The following DNAI4 variants were observed in gnomAD, a reference collection of about 807,000 sequenced individuals.
DNAI4 encodes WD repeat domain 78.
In DNAI4, 85 loss-of-function variants were observed where a neutral mutation model predicts 105.8. The ratio of observed to expected loss-of-function variants is 0.80; its 90% CI spans 0.67 to 0.96. The LOEUF (loss-of-function observed/expected upper bound fraction) is 0.96. Ranked by LOEUF, DNAI4 falls within the 40% of genes least tolerant of loss-of-function variation. The pLI is 0.00. For missense variants in DNAI4, 1,014 were observed against 1,005.6 expected (o/e 1.01, Z -0.11); for synonymous variants, 352 against 331.5 (o/e 1.06, Z -0.67).
chr1:66,880,720 C>G (rs1231611676), intron 4 of DNAI4, among the ~76,000 whole-genome samples: 1 of 152,078 alleles, frequency 6.6e-6, no homozygotes, highest in Non-Finnish European at 1.5e-5. Context: ...AAAGAAAATC[C>G]CATTTTCTGA....
Position 66,890,679 on chromosome 1 carries a change from A to T in DNAI4, c.643+475T>A, listed in dbSNP as rs1430135854. ...GAGGAGAAGGAAGCAGAGGAGGAAG[A>T]GGAGGAAGAGGAAGAAGAAGAAGGA... On this transcript the variant is annotated intron_variant, in intron 4 of 16. Coordinates refer to ENST00000371026, the MANE Select transcript of DNAI4 (RefSeq NM_024763.5). This position sits in a 1 kb window ranked among gnomAD's most constrained non-coding sequence, Gnocchi z 4.1. 1 of 216,206 alleles carries T rather than the reference A, an allele frequency of 4.6e-6. No homozygotes were observed. The highest frequency in any genetic ancestry group is 9.1e-6 in the Non-Finnish European group (1 of 109,712). 13.4% of individuals were successfully genotyped at this position (216,206 alleles called of 1,614,324 possible). A position where few individuals can be genotyped will look rare whatever the true frequency, so the allele number is the denominator to read the frequency against.
chr1:66,853,800 T>A (rs1646444602), intron 7 of DNAI4, among the ~76,000 whole-genome samples: 1 of 152,006 alleles, frequency 6.6e-6, no homozygotes, highest in African/African-American at 2.4e-5. Context: ...TTTCTTACAA[T>A]CAAGAACAAA....
rs1553227533 is a variant in DNAI4 at position 66,892,992 on chromosome 1, A to AGAG, written c.530+236_530+237insCTC. Among the ~76,000 whole-genome samples, 222 of 114,696 alleles carry AGAG rather than the reference A, an allele frequency of 1.9e-3. 2 individuals are homozygous for AGAG. Among genetic ancestry groups the AGAG allele is most frequent in the African/African-American group, 5.6e-3 (149 of 26,508 alleles). The allele number at this position is 114,696 out of a possible 152,430, so 75.2% of individuals were successfully genotyped here. Reference sequence around the variant, plus strand: ...AAGAAAGAAAGAAAGAAAGAAAGAAAGAAAGAGAGAAAGAGAGAGAGGAAA... The same window carrying AGAG: ...AAGAAAGAAAGAAAGAAAGAAAGAAAGAGGAAAGAGAGAAAGAGAGAGAGGAAA... On this transcript the variant is annotated intron_variant, in intron 3 of 16. Transcript: ENST00000371026.
chr1:66,855,721 T>C (rs1159946306), intron 7 of DNAI4, among the ~76,000 whole-genome samples: 1 of 152,226 alleles, frequency 6.6e-6, no homozygotes, highest in Non-Finnish European at 1.5e-5. Flanking sequence ...TAAAGCCCAC[T>C]GATAGAGTTG....
At position 66,856,822 on chromosome 1, in the gene DNAI4, G is replaced by A. The variant is rs527790422; in HGVS notation, c.1096+5325C>T. Among the ~76,000 whole-genome samples the A allele has an allele frequency of 3.9e-5, 6 of 152,074 alleles. No individual in the cohort carries two copies. In the South Asian group the frequency reaches 1.0e-3, roughly 26 times the overall value. ...AATACAACTTATCAAAATTTGTGTG[G>A]CACAGCAAAAACAGTTCTTAGAGAA... On this transcript the variant is annotated intron_variant, in intron 7 of 16. Coordinates refer to ENST00000371026, the MANE Select transcript of DNAI4 (RefSeq NM_024763.5).
chr1:66,875,086 T>C, intron 4 of DNAI4, 149 bp from the exon 5 acceptor site: 1 of 787,580 alleles, frequency 1.3e-6, no homozygotes, highest in Non-Finnish European at 1.9e-6. Flanking sequence ...ATGTAGTATA[T>C]TCAACCTTTC....
Position 66,924,743 on chromosome 1 carries a change from T to A in DNAI4, c.89A>T (p.Lys30Met). Residue 30 changes from lysine (K) to methionine (M), a missense_variant, in exon 1 of 17, where the codon AAG becomes ATG. Coordinates refer to ENST00000371026, the MANE Select transcript of DNAI4 (RefSeq NM_024763.5). Reference protein sequence around the residue: ...GYRDFRGGQKKGWCTTPQLVA... With the variant: ...GYRDFRGGQKMGWCTTPQLVA... ...CAGCTGGGGAGTGGTGCACCACCCC[T>A]TTTTTTGGCCGCCTCTGAAGTCCCT... The A allele has an allele frequency of 6.4e-7, 1 of 1,563,040 alleles. No individual in the cohort carries two copies. Among genetic ancestry groups the A allele is most frequent in the Non-Finnish European group, 8.7e-7 (1 of 1,151,720 alleles).
chr1:66,847,404 T>C, intron 8 of DNAI4, 80 bp downstream of exon 8: 1 of 1,388,474 alleles, frequency 7.2e-7, no homozygotes, highest in Non-Finnish European at 9.8e-7. Context: ...AGCAATCCTC[T>C]TCCTCAGCCT....
intron 14 of DNAI4, 96 bp from the exon 15 acceptor site, chr1:66,827,142 T>C: frequency 5.7e-6 from 6 of 1,048,546 alleles, no homozygotes; most frequent in Non-Finnish European, 8.2e-6. Context: ...TTCTAGATTT[T>C]CACACTATTC....
At chr1:66,860,370 T>C (rs1646599271) in intron 7 of DNAI4, among the ~76,000 whole-genome samples, 3 of 152,010 alleles carry the variant, frequency 2.0e-5, no homozygotes, top group Non-Finnish European at 4.4e-5. Flanking sequence ...ATTTAACTTT[T>C]TTTTCCTTTC....
At chr1:66,896,629 G>A (rs1478177007) in intron 2 of DNAI4, among the ~76,000 whole-genome samples, 1 of 152,068 alleles carries the variant, frequency 6.6e-6, no homozygotes, top group Non-Finnish European at 1.5e-5. Context: ...TCAAGGGAGT[G>A]GTTTAGTCAT....
Position 66,833,599 on chromosome 1 carries a change from C to G in DNAI4, c.1999G>C (p.Ala667Pro). The change falls in exon 13 of 17, where the codon GCT becomes CCT. Residue 667 changes from alanine to proline, a missense_variant. Ala to Pro is a conservative substitution (Grantham distance 27, BLOSUM62 -1). Transcript: ENST00000371026. ...ISRQAPGMCF[A>P]FHPKDTNIYL... ...AAATAATTTACCTTGGGATGAAAAGCAAAACACATTCCAGGAGCCTGTCGA... is the reference window on the plus strand; with the variant it reads ...AAATAATTTACCTTGGGATGAAAAGGAAAACACATTCCAGGAGCCTGTCGA... 1 of 1,612,528 alleles carries G rather than the reference C, an allele frequency of 6.2e-7. No homozygotes were observed. The highest frequency in any genetic ancestry group is 1.7e-4 in the Middle Eastern group (1 of 6,054).
intron 1 of DNAI4, among the ~76,000 whole-genome samples, chr1:66,911,691 T>C (rs1649668396): frequency 6.6e-6 from 1 of 152,256 alleles, no homozygotes; most frequent in Non-Finnish European, 1.5e-5. Context: ...AATACATTTA[T>C]TGAAACAATG....
At chr1:66,922,802 C>T (rs1035706902) in intron 1 of DNAI4, among the ~76,000 whole-genome samples, 1 of 152,206 alleles carries the variant, frequency 6.6e-6, no homozygotes, top group Non-Finnish European at 1.5e-5. Context: ...TTAGAAAAGA[C>T]AGAAAATATT....
intron 1 of DNAI4, among the ~76,000 whole-genome samples, chr1:66,922,333 T>TCGAC (rs1650551142): frequency 6.6e-6 from 1 of 151,418 alleles, no homozygotes; most frequent in African/African-American, 2.4e-5. Context: ...TTGACACAGT[T>TCGAC]ACCTAAAGGA....
Position 66,890,927 on chromosome 1 carries a change from G to T in DNAI4, c.643+227C>A. 1 of 549,380 alleles carries T rather than the reference G, an allele frequency of 1.8e-6. No individual in the cohort carries two copies. Among genetic ancestry groups the T allele is most frequent in the Non-Finnish European group, 3.2e-6 (1 of 309,964 alleles). 34.0% of individuals were successfully genotyped at this position (549,380 alleles called of 1,614,324 possible). ...AACAGCAGCAGCAGAAGCAGCAGCTGAGCTCTAACACAAAGCGCCATTGGT... is the reference window on the plus strand; with the variant it reads ...AACAGCAGCAGCAGAAGCAGCAGCTTAGCTCTAACACAAAGCGCCATTGGT... On this transcript the variant is annotated intron_variant, in intron 4 of 16. Coordinates refer to ENST00000371026, the MANE Select transcript of DNAI4 (RefSeq NM_024763.5). The surrounding 1 kb of genome is among the most constrained non-coding windows in gnomAD (Gnocchi z 4.1).
rs987140898 is a variant in DNAI4, at chr1:66,833,494, AGGCTAATATTT to A, written c.2013+80_2013+90del. ...TATATTAGGCACAGTATTCATTAAC[AGGCTAATATTT>A]GGTCTTGTTTTATGACTTAATACAC... On this transcript the variant is annotated intron_variant, in intron 13 of 16. Coordinates refer to ENST00000371026, the MANE Select transcript of DNAI4 (RefSeq NM_024763.5). The A allele has an allele frequency of 8.6e-5, 121 of 1,408,404 alleles. No homozygotes were observed. The African/African-American group carries it at 1.7e-3, about 19-fold the overall frequency. 87.2% of individuals were successfully genotyped at this position (1,408,404 alleles called of 1,614,324 possible).
intron 15 of DNAI4, among the ~76,000 whole-genome samples, chr1:66,824,284 G>C (rs4655507): frequency 0.2 from 26,219 of 132,900 alleles, 2,565 homozygotes; most frequent in Middle Eastern, 0.26. Context: ...TGTTTTGGTA[G>C]CAGTACCATG....
chr1:66,909,161 A>T (rs1233075326), intron 1 of DNAI4, among the ~76,000 whole-genome samples: 1 of 152,118 alleles, frequency 6.6e-6, no homozygotes, highest in Non-Finnish European at 1.5e-5. Context: ...TATTTCTCCC[A>T]TCTTAAACAA....
Sources: allele counts gnomAD v4.1 joint callset (sites outside exome capture counted in the v4.1 genomes callset), GRCh38; gene constraint gnomAD v4.1.1; non-coding constraint Gnocchi (gnomAD v3.1); transcripts MANE v1.5; gene names NCBI Gene and HGNC (gene_info 2026-07-23, HGNC 2026-07-21).